ATRNL1: variants seen among roughly 807,000 people sequenced by gnomAD.
ATRNL1 encodes the protein attractin-like protein 1.
Under a neutral mutation model 182.7 loss-of-function variants are expected in ATRNL1, and 95 were observed. The ratio of observed to expected loss-of-function variants is 0.52; its 90% CI spans 0.44 to 0.62. ATRNL1 has a LOEUF of 0.62. ATRNL1 is among the 20% of genes least tolerant of loss of function. The pLI is 0.00. For missense variants in ATRNL1, 1,471 were observed against 1,679.5 expected (o/e 0.88, Z 2.17); for synonymous variants, 576 against 568.3 (o/e 1.01, Z -0.19).
chr10:115,661,090 A>C (rs1555037567), intron 26 of ATRNL1, among the ~76,000 whole-genome samples: 1 of 152,036 alleles, frequency 6.6e-6, no homozygotes. Context: ...TTTTTTTTGT[A>C]TCCTCAGCAT....
intron 26 of ATRNL1, among the ~76,000 whole-genome samples, chr10:115,661,270 A>G (rs1412524271): frequency 6.6e-6 from 1 of 152,132 alleles, no homozygotes; most frequent in Non-Finnish European, 1.5e-5. Flanking sequence ...TATGTCCTTT[A>G]GGTATTTTAT....
chr10:115,551,945 G>A (rs1554995625), intron 26 of ATRNL1, among the ~76,000 whole-genome samples: 1 of 151,230 alleles, frequency 6.6e-6, no homozygotes, highest in African/African-American at 2.4e-5. Context: ...ATAAATTTTA[G>A]GACAGCATAT....
At chr10:115,495,653 T>C (rs1849509037) in intron 24 of ATRNL1, among the ~76,000 whole-genome samples, 1 of 152,164 alleles carries the variant, frequency 6.6e-6, no homozygotes, top group African/African-American at 2.4e-5. Flanking sequence ...AGTATTGATT[T>C]TTATTTTTAT....
At chr10:115,791,489 G>T (rs1458492362) in intron 27 of ATRNL1, among the ~76,000 whole-genome samples, 3 of 152,140 alleles carry the variant, frequency 2.0e-5, no homozygotes, top group African/African-American at 7.2e-5. Context: ...CAACTTTTAT[G>T]ATAGTCATTC....
intron 25 of ATRNL1, among the ~76,000 whole-genome samples, chr10:115,546,291 G>T (rs1852649176): frequency 1.3e-5 from 2 of 152,128 alleles, no homozygotes; most frequent in South Asian, 2.1e-4. Context: ...TTGGCCAGGT[G>T]CGGTGGCTCA....
intron 25 of ATRNL1, among the ~76,000 whole-genome samples, chr10:115,545,070 T>C (rs1852569635): frequency 1.3e-5 from 2 of 151,700 alleles, no homozygotes; most frequent in African/African-American, 4.8e-5. Context: ...TAATGCCAAA[T>C]GAGACATTCA....
chr10:115,116,368 G>C (rs1405638150), intron 1 of ATRNL1, among the ~76,000 whole-genome samples: 1 of 151,958 alleles, frequency 6.6e-6, no homozygotes, highest in African/African-American at 2.4e-5. Flanking sequence ...CTTTCTTTAG[G>C]GAGTTGAACT....
chr10:115,759,132 T>G (rs1948667268), intron 27 of ATRNL1, among the ~76,000 whole-genome samples: 1 of 152,190 alleles, frequency 6.6e-6, no homozygotes, highest in African/African-American at 2.4e-5. Flanking sequence ...ATTGTATTAT[T>G]TTGTTTACGC....
chr10:115,620,719 G>T (rs1390174177), intron 26 of ATRNL1, among the ~76,000 whole-genome samples: 1 of 152,096 alleles, frequency 6.6e-6, no homozygotes, highest in African/African-American at 2.4e-5. Context: ...AATCTTAATA[G>T]AATTTATTAA....
intron 19 of ATRNL1, among the ~76,000 whole-genome samples, chr10:115,370,015 C>T (rs1857306044): frequency 6.6e-6 from 1 of 152,084 alleles, no homozygotes; most frequent in Non-Finnish European, 1.5e-5. Flanking sequence ...TGGATCTTTC[C>T]CATGCTATTC....
chr10:115,498,153 AAAT>A (rs2133618893), intron 24 of ATRNL1, among the ~76,000 whole-genome samples: 1 of 152,254 alleles, frequency 6.6e-6, no homozygotes, highest in African/African-American at 2.4e-5. Flanking sequence ...TGACTTAAGA[AAAT>A]AATATTTTAA....
chr10:115,410,394 T>C (rs1185844162), intron 20 of ATRNL1, among the ~76,000 whole-genome samples: 2 of 151,916 alleles, frequency 1.3e-5, no homozygotes, highest in African/African-American at 4.8e-5. Flanking sequence ...CAATCTTGGC[T>C]CACTGGAAAC....
intron 27 of ATRNL1, among the ~76,000 whole-genome samples, chr10:115,774,425 CAAAAAAAAAAAAAAAA>C (rs56048429): frequency 2.9e-5 from 2 of 69,370 alleles, no homozygotes; most frequent in South Asian, 1.3e-3. Context: ...GACTCCATCT[CAAAAAAAAAAAAAAAA>C]AAAAAAAAAA....
At chr10:115,677,303 A>G (rs1555043348) in intron 26 of ATRNL1, among the ~76,000 whole-genome samples, 2 of 152,012 alleles carry the variant, frequency 1.3e-5, no homozygotes, top group African/African-American at 2.4e-5. Context: ...TAACACTTTG[A>G]CAGGTTTGAT....
chr10:115,328,733 A>C (rs1554934153), intron 18 of ATRNL1, among the ~76,000 whole-genome samples: 1 of 151,924 alleles, frequency 6.6e-6, no homozygotes, highest in Non-Finnish European at 1.5e-5. Context: ...ATCTAAACTC[A>C]TCCGTGTTGT....
At chr10:115,490,242 T>G (rs535809511) in intron 24 of ATRNL1, among the ~76,000 whole-genome samples, 1 of 152,148 alleles carries the variant, frequency 6.6e-6, no homozygotes, top group Admixed American at 6.5e-5. Flanking sequence ...TGTGGTGTTC[T>G]CTGTATTTCC....
At chr10:115,901,897 C>T (rs991801123) in intron 28 of ATRNL1, among the ~76,000 whole-genome samples, 5 of 152,040 alleles carry the variant, frequency 3.3e-5, no homozygotes, top group African/African-American at 4.8e-5. Context: ...AGAATTAAGT[C>T]CTGGAAACAG....
At chr10:115,411,309 TAAA>T (rs1199410884) in intron 20 of ATRNL1, among the ~76,000 whole-genome samples, 1 of 151,346 alleles carries the variant, frequency 6.6e-6, no homozygotes, top group African/African-American at 2.4e-5. Flanking sequence ...ACATTTAAAT[TAAA>T]AATACTTTAA....
chr10:115,628,387 G>A (rs895769978), intron 26 of ATRNL1, among the ~76,000 whole-genome samples: 12 of 151,984 alleles, frequency 7.9e-5, no homozygotes, highest in South Asian at 6.2e-4. Flanking sequence ...TTGGAGAAAC[G>A]TCTATTCAAG....
Sources: allele counts gnomAD v4.1 joint callset (sites outside exome capture counted in the v4.1 genomes callset), GRCh38; gene constraint gnomAD v4.1.1; transcripts MANE v1.5; gene names NCBI Gene and HGNC (gene_info 2026-07-23, HGNC 2026-07-21).